AHCTF1: variants seen among roughly 807,000 people sequenced by gnomAD.
The protein encoded by AHCTF1 is protein ELYS.
Under a neutral mutation model 248.4 loss-of-function variants are expected in AHCTF1, and 24 were observed. That is an observed-to-expected ratio of 0.10 (90% CI 0.07 to 0.14). The LOEUF (loss-of-function observed/expected upper bound fraction) is 0.14. AHCTF1 is among the 10% of genes least tolerant of loss of function. The pLI is 1.00. For missense variants in AHCTF1, 2,206 were observed against 2,636.2 expected (o/e 0.84, Z 3.57); for synonymous variants, 786 against 929.8 (o/e 0.85, Z 2.81).
At chr1:246,872,271 C>T (rs1262233554) in intron 24 of AHCTF1, among the ~76,000 whole-genome samples, 1 of 152,154 alleles carries the variant, frequency 6.6e-6, no homozygotes, top group Non-Finnish European at 1.5e-5. Context: ...TCCCTTGTGA[C>T]TCCACTAACC....
chr1:246,905,390 C>T (rs893867204), intron 6 of AHCTF1, 151 bp downstream of exon 6: 11 of 576,932 alleles, frequency 1.9e-5, no homozygotes, highest in East Asian at 3.2e-5. Flanking sequence ...CCCAGCTACT[C>T]GGGAGGCTGA....
intron 24 of AHCTF1, among the ~76,000 whole-genome samples, chr1:246,870,451 T>C (rs1004398040): frequency 6.6e-6 from 1 of 151,998 alleles, no homozygotes; most frequent in African/African-American, 2.4e-5. Flanking sequence ...ACTAAAGATG[T>C]GATGAATTGC....
At chr1:246,907,494 C>A (rs968504748) in intron 5 of AHCTF1, 57 bp downstream of exon 5, 3 of 1,466,548 alleles carry the variant, frequency 2.0e-6, no homozygotes, top group Non-Finnish European at 2.8e-6. Flanking sequence ...TAAATGAGTA[C>A]AAGCTATATG....
At chr1:246,855,914 T>C (rs1558217090) in intron 30 of AHCTF1, 87 bp from the exon 31 acceptor site, 7 of 872,092 alleles carry the variant, frequency 8.0e-6, no homozygotes, top group Non-Finnish European at 1.2e-5. Context: ...ACCTGTCATT[T>C]TGGTGATGTA....
intron 5 of AHCTF1, 43 bp downstream of exon 5, chr1:246,907,508 A>G (rs1345662620): frequency 1.3e-6 from 2 of 1,568,468 alleles, no homozygotes; most frequent in African/African-American, 2.7e-5. Context: ...CTATATGCAA[A>G]AAAACTACCT....
chr1:246,902,452 A>C (rs1007546499), intron 8 of AHCTF1, 73 bp downstream of exon 8: 14 of 1,527,620 alleles, frequency 9.2e-6, no homozygotes, highest in Non-Finnish European at 1.2e-5. Flanking sequence ...GGAGTATGAA[A>C]TCTAGAAAAT....
intron 21 of AHCTF1, among the ~76,000 whole-genome samples, chr1:246,879,721 G>A (rs1663252502): frequency 6.6e-6 from 1 of 151,970 alleles, no homozygotes; most frequent in South Asian, 2.1e-4. Flanking sequence ...CCAGCTACTT[G>A]CGAGACTGAG....
At chr1:246,912,283 T>C (rs1665864526) in intron 4 of AHCTF1, among the ~76,000 whole-genome samples, 1 of 151,660 alleles carries the variant, frequency 6.6e-6, no homozygotes, top group African/African-American at 2.4e-5. Flanking sequence ...GAGACCATCC[T>C]GGCCAATATG....
chr1:246,846,176 G>GAAA (rs1186926558), intron 33 of AHCTF1, among the ~76,000 whole-genome samples: 1 of 150,228 alleles, frequency 6.7e-6, no homozygotes, highest in Non-Finnish European at 1.5e-5. Flanking sequence ...TATTCATTTA[G>GAAA]TAAAACACAA....
At chr1:246,912,492 AAAC>A (rs1572457660) in intron 4 of AHCTF1, among the ~76,000 whole-genome samples, 1 of 151,950 alleles carries the variant, frequency 6.6e-6, no homozygotes, top group African/African-American at 2.4e-5. Context: ...CAAAAAAAAA[AAAC>A]AAAACCAAGA....
chr1:246,842,301 G>A (rs1659928370), intron 35 of AHCTF1, among the ~76,000 whole-genome samples: 1 of 152,024 alleles, frequency 6.6e-6, no homozygotes, highest in Admixed American at 6.6e-5. Flanking sequence ...ACAGAACAAG[G>A]CTGGGTGCAG....
In AHCTF1 at chr1:246,895,934, T is replaced by C. The variant is rs368950744; in HGVS notation, c.1624-9A>G. ...GCTTCTAACTGTTCTTCCTAAACCATGCATTACAGAAAGGAAAGAAATGGA... is the reference window on the plus strand; with the variant it reads ...GCTTCTAACTGTTCTTCCTAAACCACGCATTACAGAAAGGAAAGAAATGGA... On this transcript the variant is annotated splice_polypyrimidine_tract_variant and intron_variant, in intron 12 of 35. Transcript: ENST00000648844. The C allele has an allele frequency of 4.3e-5, 69 of 1,603,872 alleles. No individual in the cohort carries two copies. Among genetic ancestry groups the C allele is most frequent in the South Asian group, 1.2e-4 (11 of 89,070 alleles).
Position 246,891,087 on chromosome 1 carries a change from T to C in AHCTF1, c.1946-27A>G, listed in dbSNP as rs768272774. 2.8e-6 allele frequency: 4 copies of C among 1,449,902 alleles called. No homozygotes were observed. The South Asian group carries it at 5.8e-5, about 21-fold the overall frequency. The allele number at this position is 1,449,902 out of a possible 1,614,324, so 89.8% of individuals were successfully genotyped here. A position where few individuals can be genotyped will look rare whatever the true frequency, so the allele number is the denominator to read the frequency against. On this transcript the variant is annotated intron_variant, in intron 15 of 35. Coordinates refer to ENST00000648844, the MANE Select transcript of AHCTF1 (RefSeq NM_001323342.2). ...TGTAAAGAAGAGTTAACATCAGTTGTTTACTTACAAAAAAATCAAGATGCT... is the reference window on the plus strand; with the variant it reads ...TGTAAAGAAGAGTTAACATCAGTTGCTTACTTACAAAAAAATCAAGATGCT...
chr1:246,845,332 A>G (rs1326881443), intron 33 of AHCTF1, among the ~76,000 whole-genome samples: 1 of 151,868 alleles, frequency 6.6e-6, no homozygotes, highest in Non-Finnish European at 1.5e-5. Flanking sequence ...TTTTGTGGGT[A>G]CACAGTAGGT....
intron 33 of AHCTF1, among the ~76,000 whole-genome samples, chr1:246,847,438 T>C (rs936163420): frequency 2.0e-5 from 3 of 152,144 alleles, no homozygotes; most frequent in Admixed American, 6.5e-5. Flanking sequence ...AAAACGTGAA[T>C]GGTGATTCTT....
At chr1:246,849,204 C>T (rs1038867839) in intron 33 of AHCTF1, among the ~76,000 whole-genome samples, 6 of 152,168 alleles carry the variant, frequency 3.9e-5, no homozygotes, top group African/African-American at 1.4e-4. Context: ...ATTTCTGTAT[C>T]TTAGTAAAAA....
Position 246,904,777 on chromosome 1 carries a change from T to A in AHCTF1, c.882-744A>T, listed in dbSNP as rs1572445135. 2.0e-5 allele frequency among the ~76,000 whole-genome samples: 3 copies of A among 152,150 alleles called. No homozygotes were observed. In the East Asian group the frequency reaches 5.8e-4, roughly 29 times the overall value. On this transcript the variant is annotated intron_variant, in intron 6 of 35. Transcript: ENST00000648844. ...GAATCTGAATTTTACTACTAGTTGA[T>A]CCCTTTTAATAATTCCTATTACTAG...
intron 11 of AHCTF1, among the ~76,000 whole-genome samples, chr1:246,899,128 T>C (rs77945508): frequency 2.6e-5 from 4 of 152,126 alleles, no homozygotes; most frequent in Non-Finnish European, 4.4e-5. Context: ...TTTTTTTTTT[T>C]CCTGTGCCAG....
At chr1:246,909,111 T>C (rs28805059) in intron 4 of AHCTF1, among the ~76,000 whole-genome samples, 281 of 99,750 alleles carry the variant, frequency 2.8e-3, no homozygotes, top group African/African-American at 0.011. Context: ...ATCTATCTAT[T>C]TATATATATA....
Sources: gnomAD v4.1 joint callset for allele counts (sites outside exome capture counted in the v4.1 genomes callset) on GRCh38, gnomAD v4.1.1 for gene constraint, MANE v1.5 for transcripts, NCBI Gene and HGNC (gene_info 2026-07-23, HGNC 2026-07-21) for gene names.